Variants in GALNT13 observed in about 807,000 individuals in gnomAD.
The protein encoded by GALNT13 is polypeptide N-acetylgalactosaminyltransferase 13.
In GALNT13, 28 loss-of-function variants were observed where a neutral mutation model predicts 64.2. The ratio of observed to expected loss-of-function variants is 0.44; its 90% CI spans 0.32 to 0.60. The LOEUF is 0.60. Among genes scored for constraint, GALNT13 ranks in the 20% least tolerant of loss-of-function variants. The pLI, the probability that GALNT13 is intolerant of heterozygous loss-of-function variation, is 0.05. For missense variants in GALNT13, 577 were observed against 669.8 expected, an observed-to-expected ratio of 0.86 and a Z score of 1.53; for synonymous variants, 214 against 224.6, an observed-to-expected ratio of 0.95 and a Z score of 0.42.
chr2:153,604,412 G>C, the GALNT13 span, among the ~76,000 whole-genome samples: 3,329 of 152,070 alleles, frequency 0.022, 120 homozygotes, highest in African/African-American at 0.077. Context: ...CTGTTGTCTA[G>C]ATGAAGCCTT....
At chr2:154,191,807 G>T (rs911772146) in intron 4 of GALNT13, among the ~76,000 whole-genome samples, 8 of 152,096 alleles carry the variant, frequency 5.3e-5, no homozygotes, top group Non-Finnish European at 1.0e-4. Flanking sequence ...CAGCTCCTGA[G>T]GCCCCAGTGG....
the GALNT13 span, among the ~76,000 whole-genome samples, chr2:153,508,619 C>G: frequency 2.0e-5 from 3 of 152,166 alleles, no homozygotes; most frequent in Non-Finnish European, 4.4e-5. Flanking sequence ...GTGACCAGGG[C>G]TGAGAACTTG....
the GALNT13 span, among the ~76,000 whole-genome samples, chr2:153,559,563 T>G: frequency 6.6e-6 from 1 of 152,158 alleles, no homozygotes; most frequent in Non-Finnish European, 1.5e-5. Context: ...CTGTACTTCC[T>G]AGTGTATCAC....
At chr2:153,496,177 G>A in the GALNT13 span, among the ~76,000 whole-genome samples, 1 of 152,156 alleles carries the variant, frequency 6.6e-6, no homozygotes, top group Non-Finnish European at 1.5e-5. Flanking sequence ...ATTAATAAAC[G>A]TTATTGCAAT....
the GALNT13 span, among the ~76,000 whole-genome samples, chr2:153,193,477 G>A: frequency 4.7e-5 from 7 of 150,302 alleles, no homozygotes; most frequent in African/African-American, 1.5e-4. Flanking sequence ...GGATAGCATT[G>A]GGAGATATAC....
At chr2:154,189,968 T>C (rs1350544780) in intron 4 of GALNT13, among the ~76,000 whole-genome samples, 3 of 152,218 alleles carry the variant, frequency 2.0e-5, no homozygotes, top group African/African-American at 7.2e-5. Flanking sequence ...GTTAAAACCA[T>C]ATAAAAACCT....
chr2:153,570,949 G>T, the GALNT13 span, among the ~76,000 whole-genome samples: 1 of 151,610 alleles, frequency 6.6e-6, no homozygotes, highest in Non-Finnish European at 1.5e-5. Context: ...GACTTTTGTG[G>T]TTCCATATAC....
At chr2:153,744,393 C>T in the GALNT13 span, among the ~76,000 whole-genome samples, 2 of 152,232 alleles carry the variant, frequency 1.3e-5, no homozygotes, top group East Asian at 3.9e-4. Context: ...GACGATATCT[C>T]ATTATAGTTT....
intron 3 of GALNT13, among the ~76,000 whole-genome samples, chr2:154,012,452 G>C (rs1036598981): frequency 2.0e-5 from 3 of 152,046 alleles, no homozygotes; most frequent in Admixed American, 2.0e-4. Flanking sequence ...AGCCTGACGG[G>C]GTTTCCTTTG....
intron 1 of GALNT13, among the ~76,000 whole-genome samples, chr2:153,885,583 TATAGTGGATTCCAG>T (rs1267510699): frequency 6.6e-6 from 1 of 152,094 alleles, no homozygotes; most frequent in African/African-American, 2.4e-5. Context: ...AACAACATTT[TATAGTGGATTCCAG>T]ATAGAGGCAG....
the GALNT13 span, among the ~76,000 whole-genome samples, chr2:153,642,375 T>C: frequency 1.3e-5 from 2 of 151,782 alleles, no homozygotes; most frequent in African/African-American, 4.8e-5. Context: ...ACATTTAATA[T>C]ATAAGAACAT....
rs1432749474 is a variant in GALNT13 at position 154,438,628 on chromosome 2, G to A, written c.1432G>A (p.Asp478Asn). ...CACTGCTGACAAAGAAATCCGAACC[G>A]ATGACTTGTGCTTGGATGTTTCTAG... ...SYTADKEIRT[D>N]DLCLDVSRLN... Residue 478 changes from aspartate to asparagine, a missense_variant, in exon 12 of 13, where the codon GAT becomes AAT. Transcript: ENST00000392825. 5 of 1,612,146 alleles carry A rather than the reference G, an allele frequency of 3.1e-6. No individual in the cohort carries two copies. Among genetic ancestry groups the A allele is most frequent in the East Asian group, 2.2e-5 (1 of 44,814 alleles).
At chr2:154,180,591 C>T (rs1368226142) in intron 4 of GALNT13, among the ~76,000 whole-genome samples, 1 of 151,908 alleles carries the variant, frequency 6.6e-6, no homozygotes, top group African/African-American at 2.4e-5. Context: ...AATCCACAAC[C>T]ATGTATAAGA....
At chr2:154,115,543 C>A (rs1030256280) in intron 3 of GALNT13, among the ~76,000 whole-genome samples, 1 of 152,024 alleles carries the variant, frequency 6.6e-6, no homozygotes, top group African/African-American at 2.4e-5. Context: ...ACCTCAGCCC[C>A]CTGAGTAGCT....
At chr2:153,271,178 A>G in the GALNT13 span, among the ~76,000 whole-genome samples, 5 of 152,200 alleles carry the variant, frequency 3.3e-5, no homozygotes, top group Non-Finnish European at 7.3e-5. Context: ...GAATGGGCAA[A>G]AGCTGGAAGA....
chr2:153,443,114 C>G, the GALNT13 span, among the ~76,000 whole-genome samples: 1 of 152,166 alleles, frequency 6.6e-6, no homozygotes. Flanking sequence ...ACTCTTGCAT[C>G]TAGCTCGGTA....
At chr2:154,222,187 AT>A (rs1354591932) in intron 4 of GALNT13, among the ~76,000 whole-genome samples, 1 of 152,068 alleles carries the variant, frequency 6.6e-6, no homozygotes, top group Non-Finnish European at 1.5e-5. Flanking sequence ...AGCATTGGGT[AT>A]TTTGTCTACA....
the GALNT13 span, among the ~76,000 whole-genome samples, chr2:153,309,579 C>G: frequency 6.6e-6 from 1 of 151,144 alleles, no homozygotes; most frequent in Non-Finnish European, 1.5e-5. Flanking sequence ...TCCAAAATTT[C>G]TTTTCCTTAG....
chr2:153,317,888 A>G, the GALNT13 span, among the ~76,000 whole-genome samples: 445 of 151,758 alleles, frequency 2.9e-3, 16 homozygotes, highest in East Asian at 0.081. Flanking sequence ...TTTTTTTTTC[A>G]CCAAGTGCCT....
Sources: allele counts gnomAD v4.1 joint callset (sites outside exome capture counted in the v4.1 genomes callset), GRCh38; gene constraint gnomAD v4.1.1; transcripts MANE v1.5; gene names NCBI Gene and HGNC (gene_info 2026-07-23, HGNC 2026-07-21).